GALNT13: variants seen among roughly 807,000 people sequenced by gnomAD.
The protein encoded by GALNT13 is UDP-GalNAc:polypeptide N-acetylgalactosaminyltransferase 13.
Under a neutral mutation model 64.2 loss-of-function variants are expected in GALNT13, and 28 were observed. That is an observed-to-expected ratio of 0.44 (90% CI 0.32 to 0.60). GALNT13 has a LOEUF of 0.60. Ranked by LOEUF, GALNT13 falls within the 20% of genes least tolerant of loss-of-function variation. The probability of loss-of-function intolerance (pLI) is 0.05; values close to 1 mark genes in which losing one functional copy is unlikely to be tolerated. For missense variants in GALNT13, 577 were observed against 669.8 expected, an observed-to-expected ratio of 0.86 and a Z score of 1.53; for synonymous variants, 214 against 224.6, an observed-to-expected ratio of 0.95 and a Z score of 0.42.
At chr2:153,073,687 A>G in the GALNT13 span, among the ~76,000 whole-genome samples, 1 of 152,158 alleles carries the variant, frequency 6.6e-6, no homozygotes, top group South Asian at 2.1e-4. Flanking sequence ...TTATTGTCCA[A>G]AAAGTTAACA....
chr2:153,861,697 G>T, the GALNT13 span, among the ~76,000 whole-genome samples: 1 of 151,658 alleles, frequency 6.6e-6, no homozygotes, highest in East Asian at 1.9e-4. Flanking sequence ...CTCCTGAGTA[G>T]CTGGGATTAC....
At chr2:153,557,203 C>T in the GALNT13 span, among the ~76,000 whole-genome samples, 1 of 152,158 alleles carries the variant, frequency 6.6e-6, no homozygotes, top group East Asian at 1.9e-4. Context: ...CATTGTGCTA[C>T]AGCTGCCTGC....
chr2:153,598,095 A>G, the GALNT13 span, among the ~76,000 whole-genome samples: 1 of 152,116 alleles, frequency 6.6e-6, no homozygotes, highest in Non-Finnish European at 1.5e-5. Context: ...GTACCCGTGC[A>G]TGTGTGTGTA....
chr2:153,898,282 G>A (rs183959413), intron 1 of GALNT13, among the ~76,000 whole-genome samples: 3 of 152,054 alleles, frequency 2.0e-5, no homozygotes, highest in Non-Finnish European at 2.9e-5. Flanking sequence ...TATTTTTTAG[G>A]ATATGTGAAC....
At chr2:153,825,144 T>C in the GALNT13 span, among the ~76,000 whole-genome samples, 1 of 152,212 alleles carries the variant, frequency 6.6e-6, no homozygotes, top group African/African-American at 2.4e-5. Context: ...TATTTGAAGA[T>C]GTTTTTGGTG....
At chr2:154,455,111 T>C (rs953059833), downstream of GALNT13, among the ~76,000 whole-genome samples, 2 of 152,116 alleles carry the variant, frequency 1.3e-5, no homozygotes, top group Non-Finnish European at 2.9e-5. Context: ...AGGAAAAAAG[T>C]GTACAGAGAG....
chr2:153,659,025 T>C, the GALNT13 span, among the ~76,000 whole-genome samples: 1 of 152,118 alleles, frequency 6.6e-6, no homozygotes, highest in Admixed American at 6.6e-5. Context: ...ACTATTTGTT[T>C]CTATAAACCA....
intron 3 of GALNT13, among the ~76,000 whole-genome samples, chr2:154,035,956 T>C (rs552121325): frequency 1.3e-4 from 20 of 152,048 alleles, no homozygotes; most frequent in Non-Finnish European, 2.8e-4. Context: ...TTATATCTTT[T>C]AGAAAGAGTT....
At chr2:153,968,275 C>T (rs147283464) in intron 3 of GALNT13, among the ~76,000 whole-genome samples, 1 of 152,194 alleles carries the variant, frequency 6.6e-6, no homozygotes, top group African/African-American at 2.4e-5. Flanking sequence ...CAAAGGATAC[C>T]TCTCAGACCC....
intron 9 of GALNT13, among the ~76,000 whole-genome samples, chr2:154,368,750 G>C (rs1480902673): frequency 2.6e-5 from 4 of 152,184 alleles, no homozygotes; most frequent in African/African-American, 9.7e-5. Context: ...GCCTGGGACA[G>C]AGGAAACTCT....
intron 3 of GALNT13, among the ~76,000 whole-genome samples, chr2:153,959,489 T>C (rs1242168970): frequency 6.6e-6 from 1 of 152,044 alleles, no homozygotes; most frequent in African/African-American, 2.4e-5. Context: ...ATAAAACAAA[T>C]GGTGGAGCAA....
the GALNT13 span, among the ~76,000 whole-genome samples, chr2:153,475,183 A>G: frequency 4.6e-5 from 7 of 152,316 alleles, no homozygotes; most frequent in Admixed American, 1.3e-4. Context: ...TGCCTCATCT[A>G]TAAAAACCAG....
At chr2:153,895,149 C>T (rs1687806627) in intron 1 of GALNT13, among the ~76,000 whole-genome samples, 1 of 151,898 alleles carries the variant, frequency 6.6e-6, no homozygotes, top group Non-Finnish European at 1.5e-5. Flanking sequence ...GTATGAGAAC[C>T]ATTGATTAAA....
the GALNT13 span, among the ~76,000 whole-genome samples, chr2:153,551,087 C>T: frequency 6.6e-6 from 1 of 152,226 alleles, no homozygotes; most frequent in South Asian, 2.1e-4. Context: ...GTGGGGGTCT[C>T]TGGAGAAAAT....
intron 4 of GALNT13, among the ~76,000 whole-genome samples, chr2:154,174,333 C>G (rs1469122024): frequency 2.6e-5 from 4 of 151,962 alleles, no homozygotes; most frequent in South Asian, 4.1e-4. Flanking sequence ...GTGAGCAGCT[C>G]TACTCTAGGG....
At chr2:154,015,835 C>G (rs1696966955) in intron 3 of GALNT13, among the ~76,000 whole-genome samples, 1 of 152,070 alleles carries the variant, frequency 6.6e-6, no homozygotes. Context: ...AATCTACGTT[C>G]TTTCTTTAAA....
the GALNT13 span, among the ~76,000 whole-genome samples, chr2:153,642,576 A>G: frequency 8.6e-5 from 13 of 151,896 alleles, no homozygotes; most frequent in Admixed American, 3.9e-4. Flanking sequence ...TTAAAAACAT[A>G]TAAAACAGGG....
chr2:153,301,564 CTT>C, the GALNT13 span, among the ~76,000 whole-genome samples: 1 of 151,900 alleles, frequency 6.6e-6, no homozygotes, highest in Admixed American at 6.6e-5. Context: ...AATCTACTCT[CTT>C]AGCAATTTTT....
At chr2:153,374,762 C>T in the GALNT13 span, among the ~76,000 whole-genome samples, 10 of 152,134 alleles carry the variant, frequency 6.6e-5, no homozygotes, top group African/African-American at 1.9e-4. Flanking sequence ...CCCTCCATCC[C>T]TGGAGAGCAT....
Sources: gnomAD v4.1 joint callset for allele counts (sites outside exome capture counted in the v4.1 genomes callset) on GRCh38, gnomAD v4.1.1 for gene constraint, MANE v1.5 for transcripts, NCBI Gene and HGNC (gene_info 2026-07-23, HGNC 2026-07-21) for gene names.